The following CCDC158 variants were observed in gnomAD, a reference collection of about 807,000 sequenced individuals.
CCDC158 encodes the protein coiled-coil domain-containing protein 158.
A neutral mutation model predicts 138.6 loss-of-function variants in CCDC158; 116 were observed. That is an observed-to-expected ratio of 0.84 (90% CI 0.72 to 0.98). CCDC158 has a LOEUF of 0.98. CCDC158 is among the 50% of genes least tolerant of loss of function. The probability of loss-of-function intolerance (pLI) is 0.00; values close to 1 mark genes in which losing one functional copy is unlikely to be tolerated. For synonymous variants in CCDC158, 436 were observed against 442.4 expected (o/e 0.99, Z 0.18); for missense variants, 1,265 against 1,306.1 (o/e 0.97, Z 0.48).
At chr4:76,352,472 T>C (rs368197019) in intron 16 of CCDC158, 3 of 152,140 alleles carry the variant, frequency 2.0e-5, no homozygotes, top group Non-Finnish European at 2.9e-5. Flanking sequence ...AGAGTCAATA[T>C]AGCATGTTTT....
In CCDC158 at chr4:76,379,370, G is replaced by T. The variant is rs374690016; in HGVS notation, c.949C>A (p.Arg317Ser). 12 of 1,606,826 alleles carry T rather than the reference G, an allele frequency of 7.5e-6. No homozygotes were observed. The African/African-American group carries it at 1.3e-4, about 18-fold the overall frequency. Residue 317 changes from arginine to serine, a missense_variant, in exon 9 of 25, where the codon CGT (arginine) becomes AGT (serine). Physicochemically the swap from Arg to Ser is moderately radical, Grantham distance 110 (BLOSUM62 -1). Coordinates refer to ENST00000682701, the MANE Select transcript of CCDC158 (RefSeq NM_001394954.1). Reference protein sequence around the residue: ...QARNQNSMYMRQLSDLESTVS... With the variant: ...QARNQNSMYMSQLSDLESTVS... The stretch of plus-strand genomic sequence containing the variant: ...GTAGATTCCAGATCGCTGAGCTGAC[G>T]CATATACATAGAGTTTTGGTTTCTT...
intron 17 of CCDC158, 150 bp downstream of exon 17, chr4:76,351,570 T>C (rs755984813): frequency 3.9e-5 from 24 of 608,964 alleles, no homozygotes; most frequent in Admixed American, 2.3e-4. Flanking sequence ...GTATAGTATA[T>C]AACAATGTAC....
intron 24 of CCDC158, among the ~76,000 whole-genome samples, chr4:76,315,723 CCCTACGT>C (rs1267725242): frequency 2.0e-5 from 3 of 152,162 alleles, no homozygotes; most frequent in Admixed American, 6.5e-5. Context: ...TACTTTACTC[CCCTACGT>C]CCTCTACCAG....
intron 1 of CCDC158, among the ~76,000 whole-genome samples, chr4:76,413,034 G>T (rs946475567): frequency 1.3e-5 from 2 of 152,102 alleles, no homozygotes; most frequent in Admixed American, 6.6e-5. Flanking sequence ...CTCTTGACCA[G>T]GCAACATCAC....
chr4:76,322,239 A>ATAG (rs1553962142), intron 24 of CCDC158, among the ~76,000 whole-genome samples: 1 of 152,196 alleles, frequency 6.6e-6, no homozygotes, highest in Non-Finnish European at 1.5e-5. Context: ...GGGTTATCAC[A>ATAG]GGGACTTGGA....
rs1413391661 is a variant in CCDC158 at position 76,362,932 on chromosome 4, G to T, written c.1831-617C>A. Among the ~76,000 whole-genome samples the T allele has an allele frequency of 2.6e-5, 4 of 152,204 alleles. No homozygotes were observed. The East Asian group carries it at 7.7e-4, about 29-fold the overall frequency. On this transcript the variant is annotated intron_variant, in intron 12 of 24. Transcript: ENST00000682701. ...GGTACAGAATGAATGCAAGGGAGGGGTTGCTACTTGAGGTAAGCTGGTGTG... is the reference window on the plus strand; with the variant it reads ...GGTACAGAATGAATGCAAGGGAGGGTTTGCTACTTGAGGTAAGCTGGTGTG...
chr4:76,366,109 T>C (rs1724629510), intron 12 of CCDC158, among the ~76,000 whole-genome samples: 1 of 152,208 alleles, frequency 6.6e-6, no homozygotes, highest in African/African-American at 2.4e-5. Context: ...CCACTAGTGA[T>C]CTTCCTAAGC....
intron 24 of CCDC158, among the ~76,000 whole-genome samples, chr4:76,318,086 C>T (rs1719580604): frequency 6.6e-6 from 1 of 151,998 alleles, no homozygotes; most frequent in Admixed American, 6.5e-5. Flanking sequence ...ACTCTAAGGT[C>T]ACACCTCAAG....
At chr4:76,332,407 A>T in intron 20 of CCDC158, 25 bp downstream of exon 20, 1 of 1,586,494 alleles carries the variant, frequency 6.3e-7, no homozygotes, top group African/African-American at 1.3e-5. Flanking sequence ...AATTAATTTG[A>T]TTCAGAATCT....
At chr4:76,388,557 C>G (rs1286577950) in intron 4 of CCDC158, among the ~76,000 whole-genome samples, 1 of 152,158 alleles carries the variant, frequency 6.6e-6, no homozygotes, top group Non-Finnish European at 1.5e-5. Context: ...TTTGAGTCAG[C>G]TTAGCCGCAG....
chr4:76,385,552 G>A (rs926323697), intron 4 of CCDC158, among the ~76,000 whole-genome samples: 5 of 152,082 alleles, frequency 3.3e-5, no homozygotes, highest in Admixed American at 6.5e-5. Flanking sequence ...TAGAAATGTT[G>A]CAAGTCAAGA....
At chr4:76,353,534 T>C (rs1382659352) in intron 15 of CCDC158, among the ~76,000 whole-genome samples, 2 of 152,208 alleles carry the variant, frequency 1.3e-5, no homozygotes, top group Non-Finnish European at 2.9e-5. Context: ...CTACAAAATA[T>C]GAAATAACTA....
At chr4:76,413,293 G>A (rs1192456869) in intron 1 of CCDC158, among the ~76,000 whole-genome samples, 1 of 151,790 alleles carries the variant, frequency 6.6e-6, no homozygotes, top group African/African-American at 2.4e-5. Flanking sequence ...GGACAATATA[G>A]TGAGATCCCG....
At chr4:76,332,858 G>A (rs1721124414) in intron 19 of CCDC158, among the ~76,000 whole-genome samples, 4 of 152,158 alleles carry the variant, frequency 2.6e-5, no homozygotes, top group Admixed American at 2.6e-4. Context: ...GGGAAGTCCT[G>A]GTAATCCCTC....
intron 18 of CCDC158, among the ~76,000 whole-genome samples, chr4:76,337,154 G>GT (rs982345238): frequency 2.6e-5 from 4 of 151,802 alleles, no homozygotes; most frequent in African/African-American, 7.2e-5. Flanking sequence ...CTATTTTTGG[G>GT]TTTTTTTGTA....
At chr4:76,313,495 G>T (rs981006307) in intron 24 of CCDC158, among the ~76,000 whole-genome samples, 6 of 151,774 alleles carry the variant, frequency 4.0e-5, no homozygotes, top group East Asian at 1.9e-4. Flanking sequence ...TCTCTATGTT[G>T]CCCAGGGTGG....
At chr4:76,412,469 AGCCTATAGTG>A (rs1729367719) in intron 1 of CCDC158, among the ~76,000 whole-genome samples, 2 of 152,146 alleles carry the variant, frequency 1.3e-5, no homozygotes, top group South Asian at 4.1e-4. Context: ...TTTTAAAAAT[AGCCTATAGTG>A]GCCGGGCATG....
chr4:76,337,630 G>T (rs1023685072), intron 18 of CCDC158, among the ~76,000 whole-genome samples: 7 of 151,996 alleles, frequency 4.6e-5, no homozygotes, highest in Admixed American at 1.3e-4. Context: ...TACTTAGGAG[G>T]CTGAAGCAGG....
intron 22 of CCDC158, among the ~76,000 whole-genome samples, chr4:76,327,978 C>G (rs1720677640): frequency 6.6e-6 from 1 of 151,900 alleles, no homozygotes; most frequent in African/African-American, 2.4e-5. Flanking sequence ...TTAAAAATTC[C>G]TTTTGTGTAA....
Sources: allele counts gnomAD v4.1 joint callset (sites outside exome capture counted in the v4.1 genomes callset), GRCh38; gene constraint gnomAD v4.1.1; transcripts MANE v1.5; gene names NCBI Gene and HGNC (gene_info 2026-07-23, HGNC 2026-07-21).